Variants in WNT9B observed in about 807,000 individuals in gnomAD.
The protein encoded by WNT9B is Wnt family member 9B, also known as protein Wnt-9b.
A neutral mutation model predicts 30.2 loss-of-function variants in WNT9B; 12 were observed. That is an observed-to-expected ratio of 0.40 (90% confidence interval 0.26 to 0.64). WNT9B has a LOEUF of 0.64. WNT9B is among the 30% of genes least tolerant of loss of function. The probability of loss-of-function intolerance (pLI) is 0.42; values close to 1 mark genes in which losing one functional copy is unlikely to be tolerated. For missense variants in WNT9B, 442 were observed against 485.2 expected (o/e 0.91, Z 0.84); for synonymous variants, 218 against 216.9 (o/e 1.01, Z -0.05).
Position 46,875,105 on chromosome 17 carries a change from CAA to C in WNT9B, c.341_342del (p.Lys114ArgfsTer32). ...GCCCCTGGGTGCCCGATCCAGGCTTCAAAGAGACAGCTTTCCTGTACGCGGTG... is the reference window on the plus strand; with the variant it reads ...GCCCCTGGGTGCCCGATCCAGGCTTCAGAGACAGCTTTCCTGTACGCGGTG... ...GRMGLLKRGF[K>X]ETAFLYAVSS... On this transcript the variant is annotated frameshift_variant, in exon 3 of 4. Coordinates refer to ENST00000290015, the MANE Select transcript of WNT9B (RefSeq NM_003396.3). LOFTEE classifies it high-confidence loss of function. 6.2e-7 allele frequency: 1 copy of C among 1,613,752 alleles called. No individual in the cohort carries two copies. Among genetic ancestry groups the C allele is most frequent in the Non-Finnish European group, 8.5e-7 (1 of 1,180,034 alleles).
intron 1 of WNT9B, among the ~76,000 whole-genome samples, chr17:46,835,981 C>T (rs186615092): frequency 1.4e-3 from 211 of 152,214 alleles, no homozygotes; most frequent in Middle Eastern, 0.014. Flanking sequence ...CCCTGGGAGA[C>T]CCTGGACCTT....
Position 46,852,389 on chromosome 17 carries a change from A to AGTGTGTGT in WNT9B, c.77+719_77+726dup, listed in dbSNP as rs61138160. ...AACACTGGAAAGAGTGAGAGGGCCC[A>AGTGTGTGT]GTGTGTGTGTGTGTGTGTGTGTGTG... On this transcript the variant is annotated intron_variant, in intron 1 of 3. Transcript: ENST00000290015. Among the ~76,000 whole-genome samples the AGTGTGTGT allele has an allele frequency of 2.8e-3, 299 of 105,366 alleles. 3 individuals are homozygous for AGTGTGTGT. The highest frequency in any genetic ancestry group is 9.7e-3 in the Middle Eastern group (2 of 206). 69.1% of individuals were successfully genotyped at this position (105,366 alleles called of 152,430 possible). A position where few individuals can be genotyped will look rare whatever the true frequency, so the allele number is the denominator to read the frequency against.
At chr17:46,861,132 C>A (rs1268896386) in intron 1 of WNT9B, among the ~76,000 whole-genome samples, 2 of 152,256 alleles carry the variant, frequency 1.3e-5, no homozygotes, top group Non-Finnish European at 2.9e-5. Context: ...GGAGGCCTGT[C>A]CCCTTAGGGC....
Position 46,876,683 on chromosome 17 carries a change from G to T in WNT9B, c.1039G>T (p.Val347Leu), listed in dbSNP as rs924404978. ...CTGCTACGTGGAGTGCCAGCAATGT[G>T]TGCAGGAGGAGCTTGTGTACACCTG... ...WCCYVECQQC[V>L]QEELVYTCKH is the part of the protein sequence containing the mutation. Residue 347 changes from valine to leucine, a missense_variant, in exon 4 of 4, where the codon GTG becomes TTG. Coordinates refer to ENST00000290015, the MANE Select transcript of WNT9B (RefSeq NM_003396.3). 4 of 1,578,460 alleles carry T rather than the reference G, an allele frequency of 2.5e-6. No individual in the cohort carries two copies. Among genetic ancestry groups the T allele is most frequent in the Middle Eastern group, 1.7e-4 (1 of 5,908 alleles).
chr17:46,839,957 T>TTTCTTTCTTTCTC (rs1568113688), intron 1 of WNT9B, among the ~76,000 whole-genome samples: 27 of 142,280 alleles, frequency 1.9e-4, no homozygotes, highest in African/African-American at 6.7e-4. Context: ...TCTTTCTTTC[T>TTTCTTTCTTTCTC]TTCTTTCTTT....
intron 1 of WNT9B, among the ~76,000 whole-genome samples, chr17:46,839,002 T>C (rs2084666903): frequency 3.9e-5 from 6 of 152,030 alleles, no homozygotes; most frequent in Admixed American, 3.9e-4. Flanking sequence ...CTCAGCCTCC[T>C]GAATAGCTGG....
chr17:46,866,633 C>T (rs1267089687), intron 1 of WNT9B, among the ~76,000 whole-genome samples: 1 of 152,048 alleles, frequency 6.6e-6, no homozygotes, highest in Non-Finnish European at 1.5e-5. Flanking sequence ...TGGAAGCCAG[C>T]ACCCCGGGCA....
intron 1 of WNT9B, among the ~76,000 whole-genome samples, chr17:46,854,735 A>T (rs2084911384): frequency 6.6e-6 from 1 of 152,016 alleles, no homozygotes; most frequent in Admixed American, 6.6e-5. Context: ...ATCTCGGCTC[A>T]CTGCAACCGC....
At chr17:46,858,091 G>A (rs1234657282) in intron 1 of WNT9B, among the ~76,000 whole-genome samples, 1 of 151,886 alleles carries the variant, frequency 6.6e-6, no homozygotes, top group Admixed American at 6.6e-5. Flanking sequence ...CACCATGCTC[G>A]GCTAATTTTT....
At chr17:46,873,410 G>C (rs1357731758) in intron 2 of WNT9B, among the ~76,000 whole-genome samples, 1 of 152,110 alleles carries the variant, frequency 6.6e-6, no homozygotes, top group African/African-American at 2.4e-5. Flanking sequence ...GAAGCATGCA[G>C]TCTGGAAGGG....
intron 1 of WNT9B, among the ~76,000 whole-genome samples, chr17:46,852,197 T>C (rs1033439966): frequency 6.6e-6 from 1 of 151,996 alleles, no homozygotes; most frequent in African/African-American, 2.4e-5. Flanking sequence ...GCTGGGTGGA[T>C]GGGTGGGACG....
At chr17:46,863,613 C>T (rs527522888) in intron 1 of WNT9B, among the ~76,000 whole-genome samples, 1 of 152,298 alleles carries the variant, frequency 6.6e-6, no homozygotes, top group African/African-American at 2.4e-5. Context: ...CTAGAGCTGT[C>T]TGGGACCTCG....
intron 1 of WNT9B, among the ~76,000 whole-genome samples, chr17:46,837,603 G>A (rs754340822): frequency 2.0e-5 from 3 of 152,184 alleles, no homozygotes; most frequent in African/African-American, 4.8e-5. Flanking sequence ...CCTAATAAAC[G>A]CTAGAGGTGG....
At chr17:46,852,334 C>T (rs2084864580) in intron 1 of WNT9B, among the ~76,000 whole-genome samples, 1 of 151,936 alleles carries the variant, frequency 6.6e-6, no homozygotes, top group Admixed American at 6.6e-5. Context: ...GACCACATCT[C>T]AGACCTGGCA....
chr17:46,862,510 G>C (rs949546593), intron 1 of WNT9B, among the ~76,000 whole-genome samples: 4 of 152,190 alleles, frequency 2.6e-5, no homozygotes, highest in African/African-American at 7.2e-5. Flanking sequence ...TGTGGATAAG[G>C]GTTTGTGAAT....
chr17:46,857,172 C>T (rs9915503), intron 1 of WNT9B, among the ~76,000 whole-genome samples: 67,105 of 151,984 alleles, frequency 0.44, 18,228 homozygotes, highest in East Asian at 0.88. Flanking sequence ...ACTTGATAGA[C>T]ATTTGGGTTA....
intron 1 of WNT9B, among the ~76,000 whole-genome samples, chr17:46,836,844 T>C (rs2084637935): frequency 6.6e-6 from 1 of 152,206 alleles, no homozygotes; most frequent in Non-Finnish European, 1.5e-5. Flanking sequence ...AAAAGCTAGA[T>C]GTGTGAATAA....
At chr17:46,848,027 G>A (rs1377060762), upstream of WNT9B, among the ~76,000 whole-genome samples, 2 of 151,732 alleles carry the variant, frequency 1.3e-5, no homozygotes, top group Non-Finnish European at 2.9e-5. Flanking sequence ...AGGAGGAGAG[G>A]GCTCCAGCCC....
At position 46,875,228 on chromosome 17, in the gene WNT9B, G is replaced by T; in HGVS notation, c.462G>T (p.Arg154=). Residue 154 remains arginine, a synonymous_variant, in exon 3 of 4, where the codon CGG becomes CGT. Coordinates refer to ENST00000290015, the MANE Select transcript of WNT9B (RefSeq NM_003396.3). ...ATGACTCTCCGGGGCTGGAGAGCCG[G>T]CAGGCCTGGCAGTGGGGCGTGTGCG... The part of the protein sequence containing the change: ...TCDDSPGLES[R]QAWQWGVCGD... 1.2e-6 allele frequency: 2 copies of T among 1,614,196 alleles called. No individual in the cohort carries two copies. The highest frequency in any genetic ancestry group is 1.7e-6 in the Non-Finnish European group (2 of 1,180,034).
Sources: allele counts gnomAD v4.1 joint callset (sites outside exome capture counted in the v4.1 genomes callset), GRCh38; gene constraint gnomAD v4.1.1; transcripts MANE v1.5; gene names NCBI Gene and HGNC (gene_info 2026-07-23, HGNC 2026-07-21).